The following CSMD1 variants were observed in gnomAD, a reference collection of about 807,000 sequenced individuals.
CSMD1 encodes CUB and Sushi multiple domains 1, also known as CUB and sushi domain-containing protein 1.
Under a neutral mutation model 417.5 loss-of-function variants are expected in CSMD1, and 213 were observed. The ratio of observed to expected loss-of-function variants is 0.51; its 90% CI spans 0.46 to 0.57. The LOEUF (loss-of-function observed/expected upper bound fraction) is 0.57. Among genes scored for constraint, CSMD1 ranks in the 20% least tolerant of loss-of-function variants. The pLI is 0.00. For missense variants in CSMD1, 6,923 were observed against 4,529.7 expected (o/e 1.53, Z -15.17); for synonymous variants, 2,862 against 1,736.8 (o/e 1.65, Z -16.11).
intron 1 of CSMD1, among the ~76,000 whole-genome samples, chr8:4,972,049 C>T (rs1810270010): frequency 6.6e-6 from 1 of 151,944 alleles, no homozygotes. Flanking sequence ...GGGAAAAAGC[C>T]AAGGTGAAGA....
intron 21 of CSMD1, among the ~76,000 whole-genome samples, chr8:3,354,391 C>A (rs1005808220): frequency 6.6e-6 from 1 of 152,054 alleles, no homozygotes; most frequent in East Asian, 1.9e-4. Context: ...TATTAATATG[C>A]AGATCTCTAT....
At chr8:4,413,114 G>A (rs1371792807) in intron 3 of CSMD1, among the ~76,000 whole-genome samples, 1 of 152,114 alleles carries the variant, frequency 6.6e-6, no homozygotes, top group African/African-American at 2.4e-5. Flanking sequence ...CTCAAATTAA[G>A]AAAGATGGAT....
At chr8:2,977,923 C>T (rs576592094) in intron 55 of CSMD1, among the ~76,000 whole-genome samples, 3 of 152,234 alleles carry the variant, frequency 2.0e-5, no homozygotes, top group Admixed American at 6.5e-5. Context: ...AGTCAAGAAA[C>T]AACAGATGCT....
chr8:4,651,192 T>C (rs959345687), intron 1 of CSMD1, among the ~76,000 whole-genome samples: 3 of 152,158 alleles, frequency 2.0e-5, no homozygotes, highest in Non-Finnish European at 4.4e-5. Flanking sequence ...AATTCCCTAA[T>C]ATCAGATGTG....
intron 2 of CSMD1, among the ~76,000 whole-genome samples, chr8:4,431,339 A>T (rs952216451): frequency 6.6e-6 from 1 of 152,208 alleles, no homozygotes; most frequent in Non-Finnish European, 1.5e-5. Flanking sequence ...GGTGAACCTA[A>T]CGTCTATAAA....
chr8:3,408,022 C>T lies in CSMD1; in HGVS notation c.1948G>A (p.Val650Ile), dbSNP rs1407200245. The T allele has an allele frequency of 3.7e-6, 6 of 1,613,762 alleles. No homozygotes were observed. The highest frequency in any genetic ancestry group is 2.7e-5 in the African/African-American group (2 of 74,880). ...TCATTGCCAGAAAAAGTACCCAGGA[C>T]AGTTATGTCAGAAATGCCATCATCC... Reference protein sequence around the residue: ...VKDDGISDITVLGTFSGNEVP... With the variant: ...VKDDGISDITILGTFSGNEVP... The change falls in exon 14 of 70, where the codon GTC (valine) becomes ATC (isoleucine). Residue 650 changes from valine (V) to isoleucine (I), a missense_variant. Coordinates refer to ENST00000635120, the MANE Select transcript of CSMD1 (RefSeq NM_033225.6).
chr8:3,414,716 C>G (rs1481109687), intron 12 of CSMD1, among the ~76,000 whole-genome samples: 1 of 152,170 alleles, frequency 6.6e-6, no homozygotes, highest in African/African-American at 2.4e-5. Flanking sequence ...CTCGTTAGTT[C>G]TTTCCCGGTG....
intron 40 of CSMD1, among the ~76,000 whole-genome samples, chr8:3,147,156 A>G (rs1818894961): frequency 6.6e-6 from 1 of 152,226 alleles, no homozygotes; most frequent in Non-Finnish European, 1.5e-5. Flanking sequence ...TTCAGATACT[A>G]GAGATACAAT....
intron 1 of CSMD1, among the ~76,000 whole-genome samples, chr8:4,688,442 C>T (rs1426727731): frequency 2.0e-5 from 3 of 152,092 alleles, no homozygotes; most frequent in Non-Finnish European, 2.9e-5. Flanking sequence ...TGAGCCATCT[C>T]CCCGGGTCCC....
intron 10 of CSMD1, among the ~76,000 whole-genome samples, chr8:3,567,648 T>C (rs1799771550): frequency 6.6e-6 from 1 of 151,990 alleles, no homozygotes. Context: ...ATTCCCAGCC[T>C]TGTTTACCGA....
chr8:4,414,164 G>C (rs1380774601), intron 3 of CSMD1, among the ~76,000 whole-genome samples: 1 of 152,190 alleles, frequency 6.6e-6, no homozygotes, highest in Admixed American at 6.5e-5. Context: ...CTTTGAGCTT[G>C]AAGAGTAATA....
Position 4,480,053 on chromosome 8 carries a change from G to A in CSMD1, c.303-59988C>T, listed in dbSNP as rs148967751. Among the ~76,000 whole-genome samples the A allele has an allele frequency of 1.8e-3, 271 of 151,974 alleles. 1 individual carries two copies. Among genetic ancestry groups the A allele is most frequent in the African/African-American group, 6.2e-3 (258 of 41,468 alleles). On this transcript the variant is annotated intron_variant, in intron 2 of 69. Coordinates refer to ENST00000635120, the MANE Select transcript of CSMD1 (RefSeq NM_033225.6). ...TCCTATCATTCTCCCTGGAGAATGTGGTCGTGAGTTCTGTTAGAGAAGTTT... is the reference window on the plus strand; with the variant it reads ...TCCTATCATTCTCCCTGGAGAATGTAGTCGTGAGTTCTGTTAGAGAAGTTT...
intron 2 of CSMD1, among the ~76,000 whole-genome samples, chr8:4,541,986 A>G (rs1277124103): frequency 6.6e-6 from 1 of 152,076 alleles, no homozygotes; most frequent in African/African-American, 2.4e-5. Flanking sequence ...GATGTGGAGG[A>G]AGAAATGCTG....
At chr8:3,718,438 C>G (rs561181969) in intron 6 of CSMD1, among the ~76,000 whole-genome samples, 11 of 152,300 alleles carry the variant, frequency 7.2e-5, no homozygotes, top group Admixed American at 4.6e-4. Flanking sequence ...AAATCATCCT[C>G]TGAAAGCCTG....
chr8:4,141,098 G>C lies in CSMD1; in HGVS notation c.416-108999C>G, dbSNP rs760072704. Among the ~76,000 whole-genome samples, 7 of 151,100 alleles carry C rather than the reference G, an allele frequency of 4.6e-5. 1 individual carries two copies. The highest frequency in any genetic ancestry group is 8.8e-5 in the Non-Finnish European group (6 of 68,028). On this transcript the variant is annotated intron_variant, in intron 3 of 69. Transcript: ENST00000635120. Reference sequence around the variant, plus strand: ...CAAATCTACAAACTTCCCATTTTCAGATCTCATAGGTCTCACTTACCTATG... The same window carrying C: ...CAAATCTACAAACTTCCCATTTTCACATCTCATAGGTCTCACTTACCTATG...
chr8:3,697,000 G>A (rs1309653409), intron 7 of CSMD1, among the ~76,000 whole-genome samples: 1 of 152,140 alleles, frequency 6.6e-6, no homozygotes, highest in Non-Finnish European at 1.5e-5. Context: ...GGATCCAGTA[G>A]GTCATGGGTT....
Position 4,723,787 on chromosome 8 carries a change from T to A in CSMD1, c.86-86229A>T, listed in dbSNP as rs201333771. Among the ~76,000 whole-genome samples the A allele has an allele frequency of 4.3e-4, 57 of 131,452 alleles. 1 individual carries two copies. In the East Asian group the frequency reaches 7.7e-3, roughly 18 times the overall value. 86.2% of individuals were successfully genotyped at this position (131,452 alleles called of 152,430 possible). The stretch of plus-strand genomic sequence containing the variant: ...TGTAAATGCAATATGCTTTCGAATG[T>A]AAAAAAAAAAAAACAAAAAAAAAAC... On this transcript the variant is annotated intron_variant, in intron 1 of 69. Coordinates refer to ENST00000635120, the MANE Select transcript of CSMD1 (RefSeq NM_033225.6).
At chr8:4,200,438 G>T (rs190292441) in intron 3 of CSMD1, among the ~76,000 whole-genome samples, 1 of 152,012 alleles carries the variant, frequency 6.6e-6, no homozygotes. Context: ...CCCCACAGCC[G>T]TCTACTCAAC....
intron 1 of CSMD1, among the ~76,000 whole-genome samples, chr8:4,795,493 A>T (rs1339646379): frequency 6.6e-6 from 1 of 151,516 alleles, no homozygotes; most frequent in Non-Finnish European, 1.5e-5. Flanking sequence ...GATGGTCTCG[A>T]TATCCTGACC....
Sources: allele counts gnomAD v4.1 joint callset (sites outside exome capture counted in the v4.1 genomes callset), GRCh38; gene constraint gnomAD v4.1.1; transcripts MANE v1.5; gene names NCBI Gene and HGNC (gene_info 2026-07-23, HGNC 2026-07-21).